The following IQCH variants were observed in gnomAD, a reference collection of about 807,000 sequenced individuals.
IQCH encodes IQ domain-containing protein H.
IQCH carries 98 observed loss-of-function variants against 117.0 expected under a neutral mutation model. The observed-to-expected ratio is 0.84, with a 90% CI of 0.71 to 0.99. IQCH has a LOEUF of 0.99. Among genes scored for constraint, IQCH ranks in the 50% least tolerant of loss-of-function variants. The pLI is 0.00. For missense variants in IQCH, 1,102 were observed against 1,243.8 expected (o/e 0.89, Z 1.72); for synonymous variants, 412 against 448.2 (o/e 0.92, Z 1.02).
intron 15 of IQCH, among the ~76,000 whole-genome samples, chr15:67,419,950 A>G (rs760725447): frequency 3.9e-5 from 6 of 152,238 alleles, no homozygotes; most frequent in Non-Finnish European, 4.4e-5. Context: ...TATCTTTCAA[A>G]ACATAGGTGA....
In IQCH at chr15:67,357,341, A is replaced by G; in HGVS notation, c.638-4A>G. 1 of 1,597,700 alleles carries G rather than the reference A, an allele frequency of 6.3e-7. No individual in the cohort carries two copies. The highest frequency in any genetic ancestry group is 8.6e-7 in the Non-Finnish European group (1 of 1,165,088). Reference sequence around the variant, plus strand: ...AAGGTAACATGTACTATCTTCATCCACAGCCACTTTCACTATACCTCGGGA... The same window carrying G: ...AAGGTAACATGTACTATCTTCATCCGCAGCCACTTTCACTATACCTCGGGA... On this transcript the variant is annotated splice_region_variant and splice_polypyrimidine_tract_variant and intron_variant, in intron 6 of 20. Transcript: ENST00000335894.
intron 4 of IQCH, among the ~76,000 whole-genome samples, chr15:67,325,512 A>G (rs1416873958): frequency 2.0e-5 from 3 of 151,646 alleles, no homozygotes; most frequent in Non-Finnish European, 4.4e-5. Flanking sequence ...CAATATAACT[A>G]TTATCTAAAA....
At chr15:67,317,482 A>C (rs966726880) in intron 4 of IQCH, among the ~76,000 whole-genome samples, 4 of 152,140 alleles carry the variant, frequency 2.6e-5, no homozygotes, top group African/African-American at 9.7e-5. Context: ...TGGTATTACA[A>C]GTGTGACCAT....
intron 4 of IQCH, among the ~76,000 whole-genome samples, chr15:67,291,094 G>A (rs1191845363): frequency 6.6e-6 from 1 of 152,108 alleles, no homozygotes; most frequent in Non-Finnish European, 1.5e-5. Flanking sequence ...CAACCACTAG[G>A]GAAGGGACAT....
rs201899426 is a variant in IQCH at position 67,372,633 on chromosome 15, C to T, written c.1276C>T (p.His426Tyr). The change falls in exon 9 of 21, where the codon CAC (histidine) becomes TAC (tyrosine). Residue 426 changes from histidine to tyrosine, a missense_variant. His to Tyr is a moderately conservative substitution (Grantham distance 83). Coordinates refer to ENST00000335894, the MANE Select transcript of IQCH (RefSeq NM_001031715.3). The stretch of plus-strand genomic sequence containing the variant: ...GATACTAAAGGAATCACGTCAGAGA[C>T]ACCTGGAGAATTTTCGCATTCGAGC... ...KKILKESRQR[H>Y]LENFRIRAKH... 3.0e-4 allele frequency: 489 copies of T among 1,607,172 alleles called. 2 individuals carry two copies. Among genetic ancestry groups the T allele is most frequent in the South Asian group, 6.4e-4 (58 of 90,056 alleles).
At chr15:67,348,039 A>G (rs1969485126) in intron 6 of IQCH, among the ~76,000 whole-genome samples, 1 of 151,770 alleles carries the variant, frequency 6.6e-6, no homozygotes, top group African/African-American at 2.4e-5. Context: ...AAACTATATA[A>G]CCATCTCAAT....
rs1013164792 is a variant in IQCH at position 67,427,393 on chromosome 15, T to C, written c.2505+5816T>C. Among the ~76,000 whole-genome samples the C allele has an allele frequency of 6.6e-6, 1 of 152,232 alleles. No homozygotes were observed. The highest frequency in any genetic ancestry group is 6.5e-5 in the Admixed American group (1 of 15,286). On this transcript the variant is annotated intron_variant, in intron 16 of 20. Coordinates refer to ENST00000335894, the MANE Select transcript of IQCH (RefSeq NM_001031715.3). This position sits in a 1 kb window ranked among gnomAD's most constrained non-coding sequence, Gnocchi z 4.7. ...CTGTTTTTCTTTTTTCTTTTCTTTTTTTTGTAGAGATAGGGTCTCACTATG... is the reference window on the plus strand; with the variant it reads ...CTGTTTTTCTTTTTTCTTTTCTTTTCTTTGTAGAGATAGGGTCTCACTATG...
chr15:67,438,008 G>T (rs1336475684), intron 16 of IQCH, among the ~76,000 whole-genome samples: 1 of 152,188 alleles, frequency 6.6e-6, no homozygotes, highest in Non-Finnish European at 1.5e-5. Context: ...CCCCGGCCTT[G>T]TGAGAGACCT....
intron 4 of IQCH, among the ~76,000 whole-genome samples, chr15:67,308,668 T>C (rs574533524): frequency 1.7e-4 from 26 of 152,046 alleles, no homozygotes; most frequent in Non-Finnish European, 3.2e-4. Context: ...ATTCCACTAA[T>C]ATGGCAGTGA....
chr15:67,446,082 A>T (rs1158682115), intron 16 of IQCH, among the ~76,000 whole-genome samples: 1 of 152,206 alleles, frequency 6.6e-6, no homozygotes, highest in Admixed American at 6.5e-5. Context: ...ATAGAAAGAC[A>T]TTTCTCAAAG....
intron 1 of IQCH, among the ~76,000 whole-genome samples, chr15:67,258,328 G>A (rs994652465): frequency 6.6e-6 from 1 of 151,012 alleles, no homozygotes; most frequent in Non-Finnish European, 1.5e-5. Flanking sequence ...TCAGAAGTTC[G>A]TACACCAGCC....
intron 18 of IQCH, among the ~76,000 whole-genome samples, chr15:67,486,084 G>A (rs552768238): frequency 1.2e-4 from 14 of 116,286 alleles, no homozygotes; most frequent in African/African-American, 4.0e-4. Context: ...ACTATCTCCC[G>A]GGCTGGCGTG....
rs2082940590 is a variant in IQCH at position 67,466,677 on chromosome 15, G to A, written c.2676+1380G>A. On this transcript the variant is annotated intron_variant, in intron 17 of 20. Transcript: ENST00000335894. This position sits in a 1 kb window ranked among gnomAD's most constrained non-coding sequence, Gnocchi z 4.4. ...CAGTTGCCCAATCAGGTACCAGGAA[G>A]AACCTTGCTCACAAGAATCCCCTTG... 1 of 152,378 alleles carries A rather than the reference G, an allele frequency of 6.6e-6. No homozygotes were observed. The highest frequency in any genetic ancestry group is 1.5e-5 in the Non-Finnish European group (1 of 68,184). The allele number at this position is 152,378 out of a possible 1,614,324, so 9.4% of individuals were successfully genotyped here. A position where few individuals can be genotyped will look rare whatever the true frequency, so the allele number is the denominator to read the frequency against.
At chr15:67,379,295 C>T (rs1007927285) in intron 10 of IQCH, among the ~76,000 whole-genome samples, 3 of 152,102 alleles carry the variant, frequency 2.0e-5, no homozygotes, top group African/African-American at 4.8e-5. Flanking sequence ...TGTGTATATT[C>T]TTCTTTGACT....
chr15:67,470,163 G>A (rs1300421728), intron 17 of IQCH, among the ~76,000 whole-genome samples: 2 of 152,114 alleles, frequency 1.3e-5, no homozygotes, highest in African/African-American at 4.8e-5. Context: ...GGAGTCTTAG[G>A]GTTTTTTTGT....
chr15:67,467,709 G>T lies in IQCH; in HGVS notation c.2676+2412G>T, dbSNP rs902028925. Among the ~76,000 whole-genome samples the T allele has an allele frequency of 6.6e-6, 1 of 152,184 alleles. No individual in the cohort carries two copies. The highest frequency in any genetic ancestry group is 1.5e-5 in the Non-Finnish European group (1 of 68,036). ...CGGTACAACTCACAAGCAAATCGAA[G>T]CTTCCTGAACAAGTGTGAACAGACT... is the stretch of plus-strand genomic sequence containing the variant. On this transcript the variant is annotated intron_variant, in intron 17 of 20. Coordinates refer to ENST00000335894, the MANE Select transcript of IQCH (RefSeq NM_001031715.3). The surrounding 1 kb of genome is among the most constrained non-coding windows in gnomAD (Gnocchi z 5.7).
At chr15:67,325,615 C>T (rs1446585911) in intron 4 of IQCH, among the ~76,000 whole-genome samples, 13 of 151,960 alleles carry the variant, frequency 8.6e-5, no homozygotes, top group Admixed American at 2.6e-4. Context: ...ATTATACTTA[C>T]GATACTTTAT....
chr15:67,400,333 G>T, intron 14 of IQCH, 28 bp downstream of exon 14: 1 of 1,563,506 alleles, frequency 6.4e-7, no homozygotes, highest in Non-Finnish European at 8.8e-7. Flanking sequence ...ACTTAAACCC[G>T]CAGGGTCTGT....
intron 16 of IQCH, among the ~76,000 whole-genome samples, chr15:67,450,899 G>C (rs1233925746): frequency 6.6e-6 from 1 of 152,210 alleles, no homozygotes; most frequent in Non-Finnish European, 1.5e-5. Flanking sequence ...CTCAATTTCA[G>C]AGCCTGTTAT....
Sources: gnomAD v4.1 joint callset for allele counts (sites outside exome capture counted in the v4.1 genomes callset) on GRCh38, gnomAD v4.1.1 for gene constraint, Gnocchi (gnomAD v3.1) non-coding constraint, MANE v1.5 for transcripts, NCBI Gene and HGNC (gene_info 2026-07-23, HGNC 2026-07-21) for gene names.